The following USP24 variants were observed in gnomAD, a reference collection of about 807,000 sequenced individuals.
The protein encoded by USP24 is ubiquitin carboxyl-terminal hydrolase 24.
Under a neutral mutation model 361.6 loss-of-function variants are expected in USP24, and 97 were observed. That is an observed-to-expected ratio of 0.27 (90% CI 0.23 to 0.32). USP24 has a LOEUF of 0.32. USP24 is among the 10% of genes least tolerant of loss of function. The pLI, the probability that USP24 is intolerant of heterozygous loss-of-function variation, is 1.00. For synonymous variants in USP24, 1,098 were observed against 1,124.6 expected (o/e 0.98, Z 0.47); for missense variants, 2,353 against 3,165.6 (o/e 0.74, Z 6.16).
In USP24 at chr1:55,122,288, A is replaced by C. The variant is rs537667767; in HGVS notation, c.4277-782T>G. On this transcript the variant is annotated intron_variant, in intron 36 of 67. Transcript: ENST00000294383. Reference sequence around the variant, plus strand: ...TAAGCATACTGGAAAGAGGGAACAAACAGCCAGTGCAAGGGAAGGAATGTA... The same window carrying C: ...TAAGCATACTGGAAAGAGGGAACAACCAGCCAGTGCAAGGGAAGGAATGTA... 8.5e-5 allele frequency among the ~76,000 whole-genome samples: 13 copies of C among 152,282 alleles called. No homozygotes were observed. The East Asian group carries it at 2.3e-3, about 27-fold the overall frequency.
chr1:55,133,173 A>G (rs1646639166), intron 30 of USP24, among the ~76,000 whole-genome samples: 1 of 152,230 alleles, frequency 6.6e-6, no homozygotes, highest in African/African-American at 2.4e-5. Context: ...AAATTATAAA[A>G]TAGAAAATAT....
chr1:55,141,544 A>G, intron 24 of USP24, 72 bp downstream of exon 24: 2 of 1,312,496 alleles, frequency 1.5e-6, no homozygotes, highest in Non-Finnish European at 1.1e-6. Context: ...TGAGAAACCT[A>G]CATAAAAAAC....
At chr1:55,103,771 T>C (rs961562104) in intron 42 of USP24, 105 bp downstream of exon 42, 5 of 1,294,800 alleles carry the variant, frequency 3.9e-6, no homozygotes, top group African/African-American at 1.5e-5. Flanking sequence ...AAAATAGTAA[T>C]ACTGACTTTC....
intron 19 of USP24, 66 bp downstream of exon 19, chr1:55,146,863 A>G: frequency 6.3e-7 from 1 of 1,585,436 alleles, no homozygotes; most frequent in South Asian, 1.1e-5. Flanking sequence ...AAGATGTGAG[A>G]CACACAGAAA....
chr1:55,070,057 CAG>C (rs1250697833), intron 67 of USP24, among the ~76,000 whole-genome samples: 1 of 151,636 alleles, frequency 6.6e-6, no homozygotes, highest in African/African-American at 2.4e-5. Context: ...CAGATGTAGG[CAG>C]AGAGGGGCTG....
At chr1:55,129,369 G>T in intron 32 of USP24, 108 bp downstream of exon 32, 2 of 719,278 alleles carry the variant, frequency 2.8e-6, no homozygotes, top group Admixed American at 2.8e-5. Context: ...CTCTCACAAT[G>T]AGTCATATGA....
chr1:55,213,536 A>C (rs533881150), intron 1 of USP24, among the ~76,000 whole-genome samples: 72 of 152,326 alleles, frequency 4.7e-4, no homozygotes, highest in African/African-American at 1.6e-3. Flanking sequence ...CACTAAGCTT[A>C]ATTCTTCATT....
intron 1 of USP24, among the ~76,000 whole-genome samples, chr1:55,181,599 T>C (rs11206521): frequency 0.12 from 18,838 of 152,210 alleles, 1,278 homozygotes; most frequent in Non-Finnish European, 0.16. Flanking sequence ...AAAATTTCAC[T>C]TGGCTGATTC....
intron 32 of USP24, among the ~76,000 whole-genome samples, chr1:55,126,834 T>C (rs1337857689): frequency 1.3e-5 from 2 of 152,094 alleles, no homozygotes; most frequent in African/African-American, 4.8e-5. Context: ...CCTTCAACCA[T>C]CCTCTGCTCA....
chr1:55,207,501 C>T (rs1003525561), intron 1 of USP24, among the ~76,000 whole-genome samples: 1 of 152,122 alleles, frequency 6.6e-6, no homozygotes, highest in African/African-American at 2.4e-5. Flanking sequence ...ATTCAACCAA[C>T]TGCAAATCAA....
At chr1:55,077,403 C>A (rs1204125656) in intron 61 of USP24, 103 bp from the exon 62 acceptor site, 1 of 1,029,192 alleles carries the variant, frequency 9.7e-7, no homozygotes, top group South Asian at 2.0e-5. Flanking sequence ...TTCTGGCCGA[C>A]CCTGGACAAG....
chr1:55,097,890 C>T, intron 47 of USP24, 53 bp downstream of exon 47: 1 of 1,552,196 alleles, frequency 6.4e-7, no homozygotes, highest in Non-Finnish European at 8.7e-7. Context: ...AACAAAGACG[C>T]ACTATGCGAA....
chr1:55,137,747 A>G (rs1162043043), intron 27 of USP24, 59 bp from the exon 28 acceptor site: 1 of 1,556,074 alleles, frequency 6.4e-7, no homozygotes, highest in Non-Finnish European at 8.7e-7. Context: ...TATTCATATC[A>G]GGCTAAATAT....
At chr1:55,177,887 G>T (rs777190240) in intron 2 of USP24, 80 bp downstream of exon 2, 25 of 1,337,616 alleles carry the variant, frequency 1.9e-5, no homozygotes, top group Non-Finnish European at 2.5e-5. Context: ...CACACAGCTA[G>T]GCAACAACAA....
intron 61 of USP24, 118 bp from the exon 62 acceptor site, chr1:55,077,418 T>G: frequency 2.7e-6 from 2 of 741,314 alleles, no homozygotes; most frequent in East Asian, 6.0e-5. Flanking sequence ...GACAAGTCAA[T>G]ACTGCTTTCT....
At chr1:55,152,070 C>T (rs1647213142) in intron 16 of USP24, 2 of 756,596 alleles carry the variant, frequency 2.6e-6, no homozygotes, top group Non-Finnish European at 3.2e-6. Context: ...CTTTGATCTT[C>T]CCACTGCCCC....
At chr1:55,158,010 G>A (rs950632046) in intron 10 of USP24, among the ~76,000 whole-genome samples, 1 of 152,176 alleles carries the variant, frequency 6.6e-6, no homozygotes, top group Non-Finnish European at 1.5e-5. Flanking sequence ...CAGAAGGAGT[G>A]AGTCAGTCCC....
At chr1:55,088,743 A>C (rs1645306670) in intron 55 of USP24, among the ~76,000 whole-genome samples, 1 of 152,238 alleles carries the variant, frequency 6.6e-6, no homozygotes, top group Admixed American at 6.5e-5. Context: ...GGAACCCCAC[A>C]TAAATGTTGA....
At chr1:55,080,134 A>C (rs1477055408) in intron 59 of USP24, among the ~76,000 whole-genome samples, 2 of 152,196 alleles carry the variant, frequency 1.3e-5, no homozygotes, top group African/African-American at 2.4e-5. Flanking sequence ...GGCTAACACC[A>C]CCTATGCTAA....
Sources: gnomAD v4.1 joint callset for allele counts (sites outside exome capture counted in the v4.1 genomes callset) on GRCh38, gnomAD v4.1.1 for gene constraint, MANE v1.5 for transcripts, NCBI Gene and HGNC (gene_info 2026-07-23, HGNC 2026-07-21) for gene names.